Variants in POLR3B observed in about 807,000 individuals in gnomAD.
POLR3B encodes DNA-directed RNA polymerase III subunit RPC2.
POLR3B carries 96 observed loss-of-function variants against 147.4 expected under a neutral mutation model. The ratio of observed to expected loss-of-function variants is 0.65; its 90% CI spans 0.55 to 0.77. The LOEUF (loss-of-function observed/expected upper bound fraction) is 0.77. POLR3B is among the 30% of genes least tolerant of loss of function. The pLI, the probability that POLR3B is intolerant of heterozygous loss-of-function variation, is 0.00. For synonymous variants in POLR3B, 461 were observed against 485.9 expected, an observed-to-expected ratio of 0.95 and a Z score of 0.67; for missense variants, 1,036 against 1,413.5, an observed-to-expected ratio of 0.73 and a Z score of 4.28.
At chr12:106,376,247 G>C in intron 6 of POLR3B, 112 bp from the exon 7 acceptor site, 1 of 753,066 alleles carries the variant, frequency 1.3e-6, no homozygotes, top group Non-Finnish European at 2.4e-6. Context: ...TTCTAACATG[G>C]TGCATAGATA....
intron 6 of POLR3B, 123 bp downstream of exon 6, chr12:106,369,806 T>C (rs1358610893): frequency 4.2e-6 from 3 of 708,434 alleles, no homozygotes; most frequent in Non-Finnish European, 5.1e-6. Flanking sequence ...TGAGTCAGCA[T>C]GTGTAAAGCA....
chr12:106,508,922 C>T (rs898470689), intron 27 of POLR3B, among the ~76,000 whole-genome samples: 1 of 152,220 alleles, frequency 6.6e-6, no homozygotes, highest in Admixed American at 6.5e-5. Flanking sequence ...TCAGACTTTA[C>T]GTATCTCAGT....
At chr12:106,477,890 C>CTTTTTTT in intron 23 of POLR3B, among the ~76,000 whole-genome samples, 1 of 72,228 alleles carries the variant, frequency 1.4e-5, no homozygotes, top group Non-Finnish European at 2.7e-5. Flanking sequence ...TGGCTCCTCC[C>CTTTTTTT]CTTTTTTTTT....
intron 23 of POLR3B, among the ~76,000 whole-genome samples, chr12:106,469,620 C>T (rs1295438526): frequency 1.1e-4 from 16 of 152,148 alleles, no homozygotes; most frequent in South Asian, 1.0e-3. Context: ...GTGCTTCCTT[C>T]AGGAGCTCTT....
chr12:106,437,759 G>A lies in POLR3B; in HGVS notation c.1935G>A (p.Leu645=). Residue 645 remains leucine (L), a synonymous_variant, in exon 18 of 28, where the codon CTG becomes CTA. Transcript: ENST00000228347. ...AAGAAAATGATTGTAACATTGCACT[G>A]TACGAACACACAATTAATAAGTAAG... is the stretch of plus-strand genomic sequence containing the variant. ...VNEENDCNIA[L]YEHTINKDTT... The A allele has an allele frequency of 6.3e-7, 1 of 1,584,458 alleles. No individual in the cohort carries two copies. Among genetic ancestry groups the A allele is most frequent in the Non-Finnish European group, 8.7e-7 (1 of 1,153,210 alleles).
intron 19 of POLR3B, among the ~76,000 whole-genome samples, chr12:106,451,655 G>T (rs1379483224): frequency 1.6e-5 from 2 of 126,880 alleles, no homozygotes; most frequent in African/African-American, 3.0e-5. Flanking sequence ...AGAGGGGAGG[G>T]AAGGAGAGGG....
intron 1 of POLR3B, among the ~76,000 whole-genome samples, chr12:106,362,113 T>A (rs1029918291): frequency 6.6e-6 from 1 of 152,112 alleles, no homozygotes; most frequent in Non-Finnish European, 1.5e-5. Flanking sequence ...AAGAAAGTTT[T>A]AAATTTTTTT....
intron 6 of POLR3B, 103 bp from the exon 7 acceptor site, chr12:106,376,256 T>C (rs1364026849): frequency 5.1e-6 from 4 of 778,362 alleles, no homozygotes; most frequent in East Asian, 5.1e-5. Flanking sequence ...GGTGCATAGA[T>C]AGACCCTTAG....
chr12:106,485,370 A>G (rs2038322994), intron 23 of POLR3B, among the ~76,000 whole-genome samples: 1 of 152,228 alleles, frequency 6.6e-6, no homozygotes, highest in Non-Finnish European at 1.5e-5. Context: ...CATACAAACC[A>G]TAAAAATGAA....
At chr12:106,497,215 C>T (rs1275952771) in intron 25 of POLR3B, among the ~76,000 whole-genome samples, 1 of 135,452 alleles carries the variant, frequency 7.4e-6, no homozygotes, top group Non-Finnish European at 1.6e-5. Context: ...TTCTTCTTCC[C>T]GTATGACCCA....
Position 106,441,251 on chromosome 12 carries a change from A to C in POLR3B, c.1956-3212A>C, listed in dbSNP as rs537443470. ...TTTATATACATGTATATTTGTATAC[A>C]CAGTCTTATGTCACTTAATGATGGG... On this transcript the variant is annotated intron_variant, in intron 18 of 27. Transcript: ENST00000228347. 1.1e-4 allele frequency among the ~76,000 whole-genome samples: 16 copies of C among 152,316 alleles called. No homozygotes were observed. In the East Asian group the frequency reaches 1.7e-3, roughly 17 times the overall value.
chr12:106,442,027 C>A (rs2037658101), intron 18 of POLR3B, among the ~76,000 whole-genome samples: 2 of 150,362 alleles, frequency 1.3e-5, no homozygotes, highest in Non-Finnish European at 2.9e-5. Flanking sequence ...TTGCAGTGAG[C>A]CAAGATCGCA....
intron 18 of POLR3B, among the ~76,000 whole-genome samples, chr12:106,444,072 C>T (rs567446823): frequency 4.6e-5 from 7 of 152,188 alleles, no homozygotes; most frequent in Non-Finnish European, 7.3e-5. Flanking sequence ...CCACCTGCCT[C>T]GGCCTCTCAA....
intron 23 of POLR3B, among the ~76,000 whole-genome samples, chr12:106,494,148 C>G (rs1189789661): frequency 2.0e-5 from 3 of 152,136 alleles, no homozygotes; most frequent in Non-Finnish European, 4.4e-5. Context: ...GTGGAACGAG[C>G]ACTTTTTTCA....
chr12:106,391,648 A>G (rs1410086429), intron 9 of POLR3B, among the ~76,000 whole-genome samples: 4 of 152,238 alleles, frequency 2.6e-5, no homozygotes, highest in African/African-American at 7.2e-5. Context: ...TTTTTCATTT[A>G]TGCAAATGAG....
intron 23 of POLR3B, among the ~76,000 whole-genome samples, chr12:106,469,978 T>G (rs922333441): frequency 1.3e-5 from 2 of 152,204 alleles, no homozygotes; most frequent in Admixed American, 6.5e-5. Flanking sequence ...CTGTATTTCC[T>G]GAATTTGAAT....
Position 106,433,811 on chromosome 12 carries a change from A to G in POLR3B, c.1720A>G (p.Ile574Val), listed in dbSNP as rs200126234. ...RAGYINEFVS[I>V]STNLTDRCVY... ...AGGATATATCAATGAATTTGTTTCCATCTCAACAAATCTTACAGATCGATG... is the reference window on the plus strand; with the variant it reads ...AGGATATATCAATGAATTTGTTTCCGTCTCAACAAATCTTACAGATCGATG... The change falls in exon 16 of 28, where the codon ATC (isoleucine) becomes GTC (valine). Residue 574 changes from isoleucine (I) to valine (V), a missense_variant. Ile to Val is a conservative substitution (Grantham distance 29). Around this residue, in one of 12 missense-constraint regions of POLR3B, gnomAD observed 177 missense variants for 232.7 expected, o/e 0.76. Transcript: ENST00000228347. 4 of 1,613,638 alleles carry G rather than the reference A, an allele frequency of 2.5e-6. No individual in the cohort carries two copies. The highest frequency in any genetic ancestry group is 1.3e-5 in the African/African-American group (1 of 75,048).
chr12:106,410,944 T>A lies in POLR3B; in HGVS notation c.1085T>A (p.Leu362Gln). 6.2e-7 allele frequency: 1 copy of A among 1,613,636 alleles called. No individual in the cohort carries two copies. Among genetic ancestry groups the A allele is most frequent in the Non-Finnish European group, 8.5e-7 (1 of 1,179,604 alleles). Residue 362 changes from leucine to glutamine, a missense_variant, in exon 12 of 28, where the codon CTG (leucine) becomes CAG (glutamine). Physicochemically the swap from Leu to Gln is moderately radical, Grantham distance 113 (BLOSUM62 -2). Transcript: ENST00000228347. ...DDRDYYGNKR[L>Q]ELAGQLLSLL... ...AGAGATTATTATGGTAACAAGCGAC[T>A]GGAATTGGCAGGACAGGTGATTTAA...
intron 9 of POLR3B, among the ~76,000 whole-genome samples, chr12:106,386,968 T>C (rs1163493527): frequency 6.6e-6 from 1 of 152,188 alleles, no homozygotes; most frequent in African/African-American, 2.4e-5. Flanking sequence ...TGTACATCTA[T>C]ACACGCATAT....
Sources: allele counts gnomAD v4.1 joint callset (sites outside exome capture counted in the v4.1 genomes callset), GRCh38; gene constraint gnomAD v4.1.1; regional missense constraint gnomAD v4.1.1; transcripts MANE v1.5; gene names NCBI Gene and HGNC (gene_info 2026-07-23, HGNC 2026-07-21).